COLEC10: variants seen among roughly 807,000 people sequenced by gnomAD.
COLEC10 encodes collectin-10.
COLEC10 carries 22 observed loss-of-function variants against 28.4 expected under a neutral mutation model. That is an observed-to-expected ratio of 0.78 (90% confidence interval 0.55 to 1.11). COLEC10 has a LOEUF of 1.11. Ranked by LOEUF, COLEC10 falls within the 50% of genes least tolerant of loss-of-function variation. The pLI is 0.00. For synonymous variants in COLEC10, 125 were observed against 116.1 expected (o/e 1.08, Z -0.49); for missense variants, 361 against 344.1 (o/e 1.05, Z -0.39).
chr8:119,069,715 C>G (rs1024353805), intron 1 of COLEC10, among the ~76,000 whole-genome samples: 6 of 143,998 alleles, frequency 4.2e-5, no homozygotes, highest in African/African-American at 1.5e-4. Context: ...GACAACCCCT[C>G]CCCACTCCAA....
At chr8:118,977,081 A>G in the COLEC10 span, among the ~76,000 whole-genome samples, 1 of 150,810 alleles carries the variant, frequency 6.6e-6, no homozygotes, top group Admixed American at 6.6e-5. Context: ...AATGGCGATC[A>G]TTCAAAAGTC....
intron 2 of COLEC10, among the ~76,000 whole-genome samples, chr8:119,017,735 C>G (rs1234731060): frequency 2.0e-5 from 3 of 152,166 alleles, no homozygotes; most frequent in African/African-American, 7.2e-5. Flanking sequence ...TTTTCTTACT[C>G]TTAATCTTGA....
intron 1 of COLEC10, among the ~76,000 whole-genome samples, chr8:119,084,086 G>A (rs1449427888): frequency 6.6e-6 from 1 of 152,176 alleles, no homozygotes; most frequent in South Asian, 2.1e-4. Context: ...TACAAAGAAA[G>A]CTTCCCCTAA....
chr8:118,977,754 A>T, the COLEC10 span, among the ~76,000 whole-genome samples: 1 of 130,896 alleles, frequency 7.6e-6, no homozygotes, highest in Non-Finnish European at 1.5e-5. Flanking sequence ...AATAATAATA[A>T]ATAAATAAAT....
the COLEC10 span, among the ~76,000 whole-genome samples, chr8:118,958,262 G>A: frequency 6.6e-6 from 1 of 152,188 alleles, no homozygotes; most frequent in Non-Finnish European, 1.5e-5. Context: ...TGAGAATTAG[G>A]GGGGCGAGAG....
At chr8:118,992,825 C>T (rs935703682), upstream of COLEC10, among the ~76,000 whole-genome samples, 1 of 152,036 alleles carries the variant, frequency 6.6e-6, no homozygotes, top group African/African-American at 2.4e-5. Flanking sequence ...AAACAATATA[C>T]ATAATATTAA....
the COLEC10 span, among the ~76,000 whole-genome samples, chr8:118,973,698 G>A: frequency 6.6e-6 from 1 of 151,932 alleles, no homozygotes; most frequent in African/African-American, 2.4e-5. Flanking sequence ...CATTAAACAA[G>A]AGCATGAGTA....
intron 2 of COLEC10, among the ~76,000 whole-genome samples, chr8:119,042,021 G>T (rs947300111): frequency 6.6e-6 from 1 of 151,502 alleles, no homozygotes; most frequent in African/African-American, 2.4e-5. Flanking sequence ...TTTTCGAGAC[G>T]GAGTCTTTCC....
chr8:119,034,678 C>T (rs1216047553), intron 2 of COLEC10, among the ~76,000 whole-genome samples: 2 of 152,154 alleles, frequency 1.3e-5, no homozygotes, highest in Non-Finnish European at 2.9e-5. Flanking sequence ...CACTGCACTC[C>T]AGCCTGGGTG....
chr8:118,963,014 G>A, the COLEC10 span, among the ~76,000 whole-genome samples: 1 of 152,136 alleles, frequency 6.6e-6, no homozygotes, highest in African/African-American at 2.4e-5. Context: ...AGACAGATTA[G>A]TGACAAGTTG....
At chr8:119,032,909 A>G (rs1476301366) in intron 2 of COLEC10, among the ~76,000 whole-genome samples, 1 of 152,192 alleles carries the variant, frequency 6.6e-6, no homozygotes, top group African/African-American at 2.4e-5. Context: ...CTCAAAATAA[A>G]GCCAAACCAA....
intron 2 of COLEC10, among the ~76,000 whole-genome samples, chr8:119,033,216 G>T (rs1323939342): frequency 6.7e-6 from 1 of 149,708 alleles, no homozygotes. Context: ...TCAGCCACAG[G>T]CAAGTTACTA....
intron 3 of COLEC10, among the ~76,000 whole-genome samples, chr8:119,091,595 G>GAGAAAGAAAGAAAGAAAGAA (rs200954056): frequency 1.6e-4 from 22 of 138,566 alleles, no homozygotes; most frequent in African/African-American, 5.8e-4. Flanking sequence ...GAGAGAGAGA[G>GAGAAAGAAAGAAAGAAAGAA]AGAAAGAAAG....
chr8:118,983,502 T>C, the COLEC10 span, among the ~76,000 whole-genome samples: 39 of 152,198 alleles, frequency 2.6e-4, no homozygotes, highest in African/African-American at 8.9e-4. Flanking sequence ...GAATAATTAT[T>C]ATGTGTTGAA....
At chr8:118,965,888 G>A in the COLEC10 span, among the ~76,000 whole-genome samples, 1 of 151,890 alleles carries the variant, frequency 6.6e-6, no homozygotes, top group Non-Finnish European at 1.5e-5. Flanking sequence ...TTCTTTCCAG[G>A]CCATGACTAG....
At chr8:119,040,788 G>T (rs1216414627) in intron 2 of COLEC10, among the ~76,000 whole-genome samples, 1 of 152,210 alleles carries the variant, frequency 6.6e-6, no homozygotes, top group Non-Finnish European at 1.5e-5. Context: ...GATCAGAGCT[G>T]TGGCCATTGA....
chr8:118,968,442 T>A, the COLEC10 span, among the ~76,000 whole-genome samples: 4 of 152,000 alleles, frequency 2.6e-5, no homozygotes, highest in African/African-American at 9.7e-5. Context: ...GCCATAGAAC[T>A]CCTTTACTAA....
At chr8:118,988,035 A>G in the COLEC10 span, among the ~76,000 whole-genome samples, 1 of 152,144 alleles carries the variant, frequency 6.6e-6, no homozygotes, top group South Asian at 2.1e-4. Context: ...ATCTGGAGAG[A>G]CAGGTGCATC....
chr8:118,975,341 T>C, the COLEC10 span, among the ~76,000 whole-genome samples: 1 of 152,038 alleles, frequency 6.6e-6, no homozygotes, highest in African/African-American at 2.4e-5. Context: ...TACACAGCAT[T>C]TCTAAATTCC....
Sources: gnomAD v4.1 joint callset for allele counts (sites outside exome capture counted in the v4.1 genomes callset) on GRCh38, gnomAD v4.1.1 for gene constraint, MANE v1.5 for transcripts, NCBI Gene and HGNC (gene_info 2026-07-23, HGNC 2026-07-21) for gene names.